LIMCH1: variants seen among roughly 807,000 people sequenced by gnomAD.
LIMCH1 encodes LIM and calponin homology domains-containing protein 1.
LIMCH1 carries 113 observed loss-of-function variants against 176.5 expected under a neutral mutation model. The observed-to-expected ratio is 0.64, with a 90% CI of 0.55 to 0.75. LIMCH1 has a LOEUF of 0.75. Ranked by LOEUF, LIMCH1 falls within the 30% of genes least tolerant of loss-of-function variation. LIMCH1 has a pLI of 0.00. For missense variants in LIMCH1, 1,674 were observed against 1,814.9 expected (o/e 0.92, Z 1.41); for synonymous variants, 619 against 645.9 (o/e 0.96, Z 0.63).
rs11731508 is a variant in LIMCH1 at position 41,400,917 on chromosome 4, G to C, written c.96+39981G>C. On this transcript the variant is annotated intron_variant, in intron 1 of 26. Transcript: ENST00000313860. ...TCCAAATTTGTTTGAGTTCATTGTAGATTCTGGATATTAGCCCTTTGTCAG... is the reference window on the plus strand; with the variant it reads ...TCCAAATTTGTTTGAGTTCATTGTACATTCTGGATATTAGCCCTTTGTCAG... Among the ~76,000 whole-genome samples the C allele has an allele frequency of 2.9e-3, 434 of 152,268 alleles. 4 individuals carry two copies. Among genetic ancestry groups the C allele is most frequent in the Non-Finnish European group, 5.0e-3 (342 of 68,012 alleles).
chr4:41,628,652 A>G (rs2093132998), intron 8 of LIMCH1, among the ~76,000 whole-genome samples: 1 of 152,210 alleles, frequency 6.6e-6, no homozygotes, highest in African/African-American at 2.4e-5. Context: ...TATTTCAAGA[A>G]GCATATTTAG....
At chr4:41,584,006 T>C (rs1263717969) in intron 1 of LIMCH1, among the ~76,000 whole-genome samples, 2 of 152,132 alleles carry the variant, frequency 1.3e-5, no homozygotes, top group South Asian at 2.1e-4. Context: ...GTAAATATGA[T>C]AGGGATAATG....
At chr4:41,420,826 T>C (rs2154130826) in intron 1 of LIMCH1, among the ~76,000 whole-genome samples, 1 of 152,344 alleles carries the variant, frequency 6.6e-6, no homozygotes, top group South Asian at 2.1e-4. Flanking sequence ...AAGAGCTTGA[T>C]GATAGAGATT....
At chr4:41,499,604 G>A (rs1232151830) in intron 2 of LIMCH1, among the ~76,000 whole-genome samples, 1 of 152,162 alleles carries the variant, frequency 6.6e-6, no homozygotes, top group Admixed American at 6.5e-5. Context: ...GGGATCATGA[G>A]GTCAAGAGAT....
At position 41,635,515 on chromosome 4, in the gene LIMCH1, A is replaced by G. The variant is rs2093542302; in HGVS notation, c.2090+1707A>G. On this transcript the variant is annotated intron_variant, in intron 13 of 31. Coordinates refer to ENST00000503057, the MANE Select transcript of LIMCH1 (RefSeq NM_001330672.2). ...AGTCCCGGGATTACAGGTTTGAGCCACTGCACCTGGCCTGTCACTCTTTGT... is the reference window on the plus strand; with the variant it reads ...AGTCCCGGGATTACAGGTTTGAGCCGCTGCACCTGGCCTGTCACTCTTTGT... Among the ~76,000 whole-genome samples, 3 of 152,182 alleles carry G rather than the reference A, an allele frequency of 2.0e-5. 1 individual carries two copies. The South Asian group carries it at 6.2e-4, about 31-fold the overall frequency.
At position 41,646,115 on chromosome 4, in the gene LIMCH1, C is replaced by G. The variant is rs1221406005; in HGVS notation, c.2254-8C>G. ...AAGAAGAATATTATATCTTTCTTTCCCTGCCAGGACCTGGCTCGTTGGAAG... is the reference window on the plus strand; with the variant it reads ...AAGAAGAATATTATATCTTTCTTTCGCTGCCAGGACCTGGCTCGTTGGAAG... On this transcript the variant is annotated splice_region_variant and splice_polypyrimidine_tract_variant and intron_variant, in intron 15 of 31. Transcript: ENST00000503057. 1 of 1,596,474 alleles carries G rather than the reference C, an allele frequency of 6.3e-7. No homozygotes were observed. The highest frequency in any genetic ancestry group is 1.2e-5 in the South Asian group (1 of 86,642).
chr4:41,524,463 C>T (rs771249005), exon 3 of LIMCH1: 10 of 1,612,984 alleles, frequency 6.2e-6, no homozygotes, highest in Non-Finnish European at 7.6e-6. Context: ...GATTGCCTAC[C>T]CCCATTGCAG....
chr4:41,375,582 T>TA (rs2054618825), intron 1 of LIMCH1, among the ~76,000 whole-genome samples: 1 of 152,224 alleles, frequency 6.6e-6, no homozygotes, highest in African/African-American at 2.4e-5. Flanking sequence ...CAGGTAAAGA[T>TA]ATCTATTTTT....
At chr4:41,494,194 T>C (rs1234170842) in intron 1 of LIMCH1, among the ~76,000 whole-genome samples, 1 of 151,926 alleles carries the variant, frequency 6.6e-6, no homozygotes, top group Non-Finnish European at 1.5e-5. Context: ...CTTTAGCTGA[T>C]CTAGGCAAAG....
At chr4:41,468,614 C>G (rs1394759712) in intron 1 of LIMCH1, among the ~76,000 whole-genome samples, 1 of 151,766 alleles carries the variant, frequency 6.6e-6, no homozygotes, top group Non-Finnish European at 1.5e-5. Flanking sequence ...ACATAGTAGA[C>G]AGTACATATC....
chr4:41,684,750 T>A (rs1198019289), intron 27 of LIMCH1, among the ~76,000 whole-genome samples: 2 of 151,912 alleles, frequency 1.3e-5, no homozygotes, highest in African/African-American at 2.4e-5. Flanking sequence ...AAAAAAAAAA[T>A]GTAACTTTAC....
Position 41,633,623 on chromosome 4 carries a change from G to C in LIMCH1, c.1905G>C (p.Trp635Cys), listed in dbSNP as rs1242637526. The change falls in exon 13 of 32, where the codon TGG becomes TGC. Residue 635 changes from tryptophan (W) to cysteine (C), a missense_variant. Physicochemically the swap from Trp to Cys is radical, Grantham distance 215. Coordinates refer to ENST00000503057, the MANE Select transcript of LIMCH1 (RefSeq NM_001330672.2). Reference protein sequence around the residue: ...EKLEKMTAPAWSGSGLKGQRK... With the variant: ...EKLEKMTAPACSGSGLKGQRK... ...TGGAGAAGATGACAGCTCCTGCCTG[G>C]AGTGGCAGTGGACTGAAAGGCCAGC... 2.6e-6 allele frequency: 4 copies of C among 1,536,056 alleles called. No individual in the cohort carries two copies. Among genetic ancestry groups the C allele is most frequent in the South Asian group, 2.4e-5 (2 of 84,064 alleles).
chr4:41,692,014 T>A (rs560247159), intron 30 of LIMCH1, among the ~76,000 whole-genome samples: 1 of 152,300 alleles, frequency 6.6e-6, no homozygotes, highest in African/African-American at 2.4e-5. Context: ...CTACCACTTA[T>A]CAGCTCCACA....
At chr4:41,448,176 C>G (rs762452165) in intron 1 of LIMCH1, among the ~76,000 whole-genome samples, 4 of 152,208 alleles carry the variant, frequency 2.6e-5, no homozygotes, top group Non-Finnish European at 4.4e-5. Flanking sequence ...CATTATTGCT[C>G]TCTCTTGTGT....
intron 13 of LIMCH1, among the ~76,000 whole-genome samples, chr4:41,635,481 A>G (rs6828218): frequency 0.61 from 92,416 of 151,944 alleles, 29,902 homozygotes; most frequent in African/African-American, 0.83. Context: ...ACCTGCCTTG[A>G]TCTCCCAAAG....
rs544509000 is a variant in LIMCH1, at chr4:41,364,176, T to C, written c.96+3240T>C. On this transcript the variant is annotated intron_variant, in intron 1 of 26. Coordinates refer to the LIMCH1 transcript ENST00000313860. Reference sequence around the variant, plus strand: ...GAGCATCTGTAAAACAGGATACTAATAACAGCTCACCTATTTCATAGGAGT... The same window carrying C: ...GAGCATCTGTAAAACAGGATACTAACAACAGCTCACCTATTTCATAGGAGT... Among the ~76,000 whole-genome samples the C allele has an allele frequency of 2.2e-4, 34 of 152,318 alleles. No individual in the cohort carries two copies. In the East Asian group the frequency reaches 2.9e-3, roughly 13 times the overall value.
At chr4:41,465,167 T>C (rs1177893829) in intron 1 of LIMCH1, among the ~76,000 whole-genome samples, 5 of 152,144 alleles carry the variant, frequency 3.3e-5, no homozygotes, top group Non-Finnish European at 5.9e-5. Context: ...CCTGCTGGCG[T>C]CTATTTTTTC....
At chr4:41,368,647 G>A (rs1223867687) in intron 1 of LIMCH1, among the ~76,000 whole-genome samples, 1 of 152,148 alleles carries the variant, frequency 6.6e-6, no homozygotes, top group Non-Finnish European at 1.5e-5. Flanking sequence ...TTATGATTGT[G>A]TTTTGAAACA....
chr4:41,502,767 T>G (rs1352590742), intron 2 of LIMCH1, among the ~76,000 whole-genome samples: 2 of 152,170 alleles, frequency 1.3e-5, no homozygotes, highest in African/African-American at 4.8e-5. Flanking sequence ...AAGATGAGGT[T>G]TTTTTGGTGG....
Sources: allele counts gnomAD v4.1 joint callset (sites outside exome capture counted in the v4.1 genomes callset), GRCh38; gene constraint gnomAD v4.1.1; transcripts MANE v1.5; gene names NCBI Gene and HGNC (gene_info 2026-07-23, HGNC 2026-07-21).